The following PTPN22 variants were observed in gnomAD, a reference collection of about 807,000 sequenced individuals.
PTPN22 encodes the protein tyrosine-protein phosphatase non-receptor type 22.
In PTPN22, 85 loss-of-function variants were observed where a neutral mutation model predicts 103.3. The observed-to-expected ratio is 0.82, with a 90% CI of 0.69 to 0.99. The LOEUF (loss-of-function observed/expected upper bound fraction) is 0.99, where lower values mean the gene tolerates loss of function less well. Among genes scored for constraint, PTPN22 ranks in the 50% least tolerant of loss-of-function variants. The probability of loss-of-function intolerance (pLI) is 0.00; values close to 1 mark genes in which losing one functional copy is unlikely to be tolerated. For missense variants in PTPN22, 865 were observed against 936.9 expected (o/e 0.92, Z 1.00); for synonymous variants, 323 against 310.2 (o/e 1.04, Z -0.43).
chr1:113,858,463 C>T lies in PTPN22; in HGVS notation c.369+15G>A. 1 of 1,532,244 alleles carries T rather than the reference C, an allele frequency of 6.5e-7. No homozygotes were observed. Among genetic ancestry groups the T allele is most frequent in the Non-Finnish European group, 8.9e-7 (1 of 1,120,970 alleles). 94.9% of individuals were successfully genotyped at this position (1,532,244 alleles called of 1,614,324 possible). On this transcript the variant is annotated intron_variant, in intron 4 of 20. Transcript: ENST00000359785. ...AAAGTAGAGAATAAAGTAACAAAAG[C>T]AACACCATACTTACAAGGACACTAT... is the stretch of plus-strand genomic sequence containing the variant.
intron 20 of PTPN22, among the ~76,000 whole-genome samples, chr1:113,818,196 C>CG (rs766538438): frequency 6.6e-6 from 1 of 151,486 alleles, no homozygotes; most frequent in East Asian, 1.9e-4. Flanking sequence ...GATGGAGTCT[C>CG]GCTCTGTTGC....
chr1:113,836,294 T>C (rs1480288928), intron 13 of PTPN22, among the ~76,000 whole-genome samples: 1 of 152,234 alleles, frequency 6.6e-6, no homozygotes, highest in Non-Finnish European at 1.5e-5. Context: ...TCATCATCTC[T>C]AACAGGGTGC....
chr1:113,856,056 C>T (rs1159474217), intron 7 of PTPN22, among the ~76,000 whole-genome samples: 2 of 152,186 alleles, frequency 1.3e-5, no homozygotes, highest in African/African-American at 4.8e-5. Flanking sequence ...CTCTGTCACC[C>T]AGGCTGCAGT....
intron 5 of PTPN22, 27 bp downstream of exon 5, chr1:113,857,711 G>T (rs770480713): frequency 1.9e-6 from 3 of 1,599,662 alleles, no homozygotes; most frequent in South Asian, 2.2e-5. Flanking sequence ...TTGTTTTAAG[G>T]TCAGCAGGTA....
In PTPN22 at chr1:113,843,737, A is replaced by G. The variant is rs143708726; in HGVS notation, c.915+4803T>C. Among the ~76,000 whole-genome samples, 169 of 152,306 alleles carry G rather than the reference A, an allele frequency of 1.1e-3. 2 individuals are homozygous for G. The highest frequency in any genetic ancestry group is 3.8e-3 in the African/African-American group (160 of 41,566). On this transcript the variant is annotated intron_variant, in intron 11 of 20. Coordinates refer to ENST00000359785, the Ensembl canonical transcript of PTPN22. ...ATTGGAAAGTATCTCTTCCTTTTCT[A>G]TTTCCTAGTATAGACTGTATAAAAT... is the stretch of plus-strand genomic sequence containing the variant.
intron 11 of PTPN22, among the ~76,000 whole-genome samples, chr1:113,839,898 A>AG (rs1302632132): frequency 7.5e-6 from 1 of 132,622 alleles, no homozygotes; most frequent in Non-Finnish European, 1.6e-5. Context: ...TTCTTAGGCA[A>AG]GAAAAAAAAA....
Position 113,871,581 on chromosome 1 carries a change from G to A in PTPN22, c.43C>T (p.Gln15Ter). 1 of 1,613,940 alleles carries A rather than the reference G, an allele frequency of 6.2e-7. No individual in the cohort carries two copies. Among genetic ancestry groups the A allele is most frequent in the Non-Finnish European group, 8.5e-7 (1 of 1,179,928 alleles). The change falls in exon 1 of 21, where the codon CAA becomes TAA. Residue 15 changes from glutamine (Q) to a stop codon, truncating the protein, a stop_gained. Transcript: ENST00000359785. LOFTEE classifies it high-confidence loss of function. ...TCCTCTTTAGTAATTTTCTTGCTTT[G>A]GGCCTCATCCAGGAACTTCTGCAGA...
At chr1:113,836,024 T>C (rs188650207) in intron 13 of PTPN22, among the ~76,000 whole-genome samples, 4 of 152,126 alleles carry the variant, frequency 2.6e-5, no homozygotes, top group Non-Finnish European at 5.9e-5. Flanking sequence ...AGAAAATACA[T>C]TTAAATGTTT....
chr1:113,842,401 C>T (rs1373726944), intron 11 of PTPN22, among the ~76,000 whole-genome samples: 1 of 152,150 alleles, frequency 6.6e-6, no homozygotes, highest in East Asian at 1.9e-4. Context: ...ATAGGCCAGG[C>T]GTGGTGGCTC....
chr1:113,867,521 C>A (rs181580556), intron 1 of PTPN22, among the ~76,000 whole-genome samples: 3 of 152,300 alleles, frequency 2.0e-5, no homozygotes, highest in African/African-American at 7.2e-5. Context: ...TTGACCACCT[C>A]ACCCAGACTA....
At chr1:113,833,224 TTA>T in intron 15 of PTPN22, 86 bp from the exon 16 acceptor site, 2 of 954,970 alleles carry the variant, frequency 2.1e-6, no homozygotes, top group Admixed American at 5.2e-5. Context: ...ATTTTTGAAC[TTA>T]TATGTAATAT....
At chr1:113,828,391 GT>G (rs1009941986) in intron 18 of PTPN22, among the ~76,000 whole-genome samples, 1 of 151,634 alleles carries the variant, frequency 6.6e-6, no homozygotes, top group Non-Finnish European at 1.5e-5. Flanking sequence ...TTTTGTTTTT[GT>G]TTTTTTAACA....
At chr1:113,826,890 C>T (rs1032086527) in intron 18 of PTPN22, among the ~76,000 whole-genome samples, 11 of 151,392 alleles carry the variant, frequency 7.3e-5, no homozygotes, top group Non-Finnish European at 1.0e-4. Flanking sequence ...GGGATGGCCT[C>T]GATCTCCTGA....
At chr1:113,839,939 C>A (rs1238033334) in intron 11 of PTPN22, among the ~76,000 whole-genome samples, 1 of 151,826 alleles carries the variant, frequency 6.6e-6, no homozygotes, top group African/African-American at 2.4e-5. Context: ...AGGCTGCGCA[C>A]AGTGGCTCAC....
At chr1:113,841,699 G>T (rs1280269991) in intron 11 of PTPN22, among the ~76,000 whole-genome samples, 1 of 151,630 alleles carries the variant, frequency 6.6e-6, no homozygotes, top group East Asian at 1.9e-4. Context: ...GCCTCCTGGG[G>T]TCCAGCAATT....
At chr1:113,824,082 T>G (rs1323982610) in intron 19 of PTPN22, among the ~76,000 whole-genome samples, 2 of 151,282 alleles carry the variant, frequency 1.3e-5, no homozygotes, top group Non-Finnish European at 2.9e-5. Context: ...TATCAAAAAT[T>G]TTTTTAAGAT....
chr1:113,827,006 A>G (rs1324528817), intron 18 of PTPN22, among the ~76,000 whole-genome samples: 1 of 151,948 alleles, frequency 6.6e-6, no homozygotes, highest in East Asian at 1.9e-4. Context: ...AACCTACCCA[A>G]ATTTCTTCTT....
intron 20 of PTPN22, chr1:113,815,372 A>C (rs1294311739): frequency 6.3e-6 from 1 of 159,276 alleles, no homozygotes; most frequent in African/African-American, 2.4e-5. Context: ...ATTGTATTAC[A>C]TCTAGTTATA....
chr1:113,837,655 T>A (rs1218125415), exon 13 of PTPN22: 1 of 1,604,742 alleles, frequency 6.2e-7, no homozygotes, highest in Non-Finnish European at 8.5e-7. Context: ...TGATAAAGAA[T>A]CATGTGAATT....
Sources: allele counts gnomAD v4.1 joint callset (sites outside exome capture counted in the v4.1 genomes callset), GRCh38; gene constraint gnomAD v4.1.1; transcripts MANE v1.5; gene names NCBI Gene and HGNC (gene_info 2026-07-23, HGNC 2026-07-21).